The following HYDIN variants were observed in gnomAD, a reference collection of about 807,000 sequenced individuals.
The protein encoded by HYDIN is HYDIN axonemal central pair apparatus protein, also known as axonemal central pair apparatus protein HYDIN.
A neutral mutation model predicts 403.9 loss-of-function variants in HYDIN; 132 were observed. The observed-to-expected ratio is 0.33, with a 90% confidence interval of 0.28 to 0.38. HYDIN has a LOEUF of 0.38. Among genes scored for constraint, HYDIN ranks in the 10% least tolerant of loss-of-function variants. The pLI is 1.00. For synonymous variants in HYDIN, 1,202 were observed against 1,891.7 expected (o/e 0.64, Z 9.46); for missense variants, 2,827 against 5,009.5 (o/e 0.56, Z 13.15).
intron 41 of HYDIN, among the ~76,000 whole-genome samples, chr16:70,949,261 A>G (rs1446784129): frequency 3.5e-5 from 5 of 141,346 alleles, no homozygotes; most frequent in African/African-American, 7.8e-5. Flanking sequence ...TGAACAATGA[A>G]AACACATGGA....
At chr16:70,951,260 G>C (rs1360487590) in intron 41 of HYDIN, among the ~76,000 whole-genome samples, 1 of 150,890 alleles carries the variant, frequency 6.6e-6, no homozygotes, top group African/African-American at 2.5e-5. Flanking sequence ...GAGAGAGAGA[G>C]AGAGAGAGAG....
intron 39 of HYDIN, among the ~76,000 whole-genome samples, chr16:70,956,402 G>T (rs1346493347): frequency 6.6e-6 from 1 of 152,238 alleles, no homozygotes; most frequent in Non-Finnish European, 1.5e-5. Context: ...AAAAGAAATA[G>T]GTGATGTGGT....
intron 50 of HYDIN, among the ~76,000 whole-genome samples, chr16:70,906,167 G>A (rs1567805803): frequency 6.6e-6 from 1 of 152,160 alleles, no homozygotes; most frequent in Non-Finnish European, 1.5e-5. Context: ...AACTAGAATT[G>A]CTAAGAATGG....
chr16:71,199,233 C>T (rs866204403), intron 1 of HYDIN, among the ~76,000 whole-genome samples: 42 of 152,296 alleles, frequency 2.8e-4, no homozygotes, highest in Admixed American at 1.6e-3. Flanking sequence ...TAAATAGAAG[C>T]CCTTTGTCAG....
chr16:70,839,556 T>C (rs1274834847), intron 76 of HYDIN, among the ~76,000 whole-genome samples: 4 of 149,592 alleles, frequency 2.7e-5, no homozygotes, highest in African/African-American at 9.9e-5. Flanking sequence ...TACTGATAGA[T>C]AGCTTTGAGT....
intron 44 of HYDIN, among the ~76,000 whole-genome samples, chr16:70,938,211 G>T (rs1241844896): frequency 1.3e-5 from 2 of 152,252 alleles, no homozygotes; most frequent in Admixed American, 6.5e-5. Flanking sequence ...TCAATAGAGT[G>T]GACCCTGGAT....
chr16:71,196,409 C>T (rs2087700119), intron 1 of HYDIN, among the ~76,000 whole-genome samples: 1 of 152,144 alleles, frequency 6.6e-6, no homozygotes, highest in Non-Finnish European at 1.5e-5. Flanking sequence ...TGCCTGACTG[C>T]TTGAGCTGAG....
At chr16:70,878,677 A>C (rs2040594312) in intron 62 of HYDIN, among the ~76,000 whole-genome samples, 1 of 145,278 alleles carries the variant, frequency 6.9e-6, no homozygotes, top group Non-Finnish European at 1.5e-5. Context: ...TGGCTTCTGC[A>C]CCTTTGAAGC....
chr16:71,009,135 C>G (rs1046788750), intron 23 of HYDIN, among the ~76,000 whole-genome samples: 12 of 149,916 alleles, frequency 8.0e-5, no homozygotes, highest in Non-Finnish European at 1.3e-4. Context: ...CAAAAAATTT[C>G]CTAGGACTCT....
intron 23 of HYDIN, among the ~76,000 whole-genome samples, chr16:71,016,828 G>A (rs1181391081): frequency 1.3e-5 from 2 of 152,114 alleles, no homozygotes; most frequent in African/African-American, 4.8e-5. Flanking sequence ...TGACATGGAT[G>A]AACCTTGAGG....
rs2035099258 is a variant in HYDIN at position 70,806,210 on chromosome 16, G to C, written c.*1370C>G. ...GTGCCTAATTTATAAATTAATCAAA[G>C]GTATGTATGTAAAGGAAAATACCAC... On this transcript the variant is annotated 3_prime_UTR_variant, in exon 86 of 86. Coordinates refer to ENST00000393567, the MANE Select transcript of HYDIN (RefSeq NM_001270974.2). 6.6e-6 allele frequency among the ~76,000 whole-genome samples: 1 copy of C among 152,052 alleles called. No homozygotes were observed. The highest frequency in any genetic ancestry group is 1.5e-5 in the Non-Finnish European group (1 of 68,026).
chr16:70,984,001 C>T (rs1403000026), intron 28 of HYDIN, among the ~76,000 whole-genome samples: 2 of 152,140 alleles, frequency 1.3e-5, no homozygotes, highest in East Asian at 3.9e-4. Flanking sequence ...TACATTTTTT[C>T]ATTATTAACT....
At chr16:71,182,265 G>A (rs957668073) in intron 3 of HYDIN, among the ~76,000 whole-genome samples, 3 of 151,970 alleles carry the variant, frequency 2.0e-5, no homozygotes, top group Non-Finnish European at 4.4e-5. Context: ...GTCACTGGAT[G>A]GTTTTAAACA....
chr16:70,860,735 G>A lies in HYDIN; in HGVS notation c.11944C>T (p.Arg3982Trp), dbSNP rs1339725239. Reference protein sequence around the residue: ...SSGGALDPNTRVIEFTTVGIG... With the variant: ...SSGGALDPNTWVIEFTTVGIG... ...CCCACAGTGGTGAACTCAATCACCC[G>A]GGTGTTTGGATCCAGAGCTCCCCCA... Residue 3982 changes from arginine to tryptophan, a missense_variant, in exon 70 of 86, where the codon CGG (arginine) becomes TGG (tryptophan). Coordinates refer to ENST00000393567, the MANE Select transcript of HYDIN (RefSeq NM_001270974.2). The A allele has an allele frequency of 8.3e-5, 47 of 566,550 alleles. No individual in the cohort carries two copies. The highest frequency in any genetic ancestry group is 3.9e-5 in the Non-Finnish European group (13 of 329,234). 35.1% of individuals were successfully genotyped at this position (566,550 alleles called of 1,614,324 possible).
chr16:71,183,758 G>T (rs751201126), intron 3 of HYDIN, among the ~76,000 whole-genome samples: 1 of 152,066 alleles, frequency 6.6e-6, no homozygotes, highest in Non-Finnish European at 1.5e-5. Flanking sequence ...ATTAGTAGAT[G>T]ACTGCCACCC....
At chr16:70,830,911 AG>A (rs1166477578) in intron 80 of HYDIN, among the ~76,000 whole-genome samples, 2 of 151,990 alleles carry the variant, frequency 1.3e-5, no homozygotes, top group Non-Finnish European at 2.9e-5. Flanking sequence ...GGAAGAGTCC[AG>A]GCTGCAGATA....
At chr16:70,936,955 C>T (rs1312641202) in intron 44 of HYDIN, among the ~76,000 whole-genome samples, 4 of 151,496 alleles carry the variant, frequency 2.6e-5, no homozygotes, top group Non-Finnish European at 1.5e-5. Flanking sequence ...ACTGCTCCTG[C>T]CCCTGCTGCT....
intron 15 of HYDIN, 113 bp from the exon 16 acceptor site, chr16:71,064,953 A>G (rs1000841657): frequency 5.1e-6 from 5 of 984,840 alleles, no homozygotes; most frequent in Non-Finnish European, 7.3e-6. Flanking sequence ...TTTTTCTCTA[A>G]TAACCACATT....
intron 43 of HYDIN, chr16:70,941,360 A>G: frequency 3.8e-6 from 1 of 266,494 alleles, no homozygotes; most frequent in Non-Finnish European, 7.0e-6. Context: ...CAAAACCAAC[A>G]AGGAAATCAG....
Sources: allele counts gnomAD v4.1 joint callset (sites outside exome capture counted in the v4.1 genomes callset), GRCh38; gene constraint gnomAD v4.1.1; transcripts MANE v1.5; gene names NCBI Gene and HGNC (gene_info 2026-07-23, HGNC 2026-07-21).